The following TMEM131 variants were observed in gnomAD, a reference collection of about 807,000 sequenced individuals.
The protein encoded by TMEM131 is 2610524E03Rik.
In TMEM131, 66 loss-of-function variants were observed where a neutral mutation model predicts 211.6. The observed-to-expected ratio is 0.31, with a 90% CI of 0.26 to 0.38. The LOEUF is 0.38. Among genes scored for constraint, TMEM131 ranks in the 10% least tolerant of loss-of-function variants. The probability of loss-of-function intolerance (pLI) is 1.00; values close to 1 mark genes in which losing one functional copy is unlikely to be tolerated. For missense variants in TMEM131, 2,036 were observed against 2,299.3 expected (o/e 0.89, Z 2.34); for synonymous variants, 844 against 841.3 (o/e 1.00, Z -0.06).
chr2:97,963,923 GAATT>G (rs1559478528), intron 1 of TMEM131, among the ~76,000 whole-genome samples: 1 of 152,298 alleles, frequency 6.6e-6, no homozygotes, highest in African/African-American at 2.4e-5. Flanking sequence ...GATACAGAAT[GAATT>G]AATATTTGGA....
intron 3 of TMEM131, among the ~76,000 whole-genome samples, chr2:97,892,904 T>G (rs2104289221): frequency 6.6e-6 from 1 of 152,210 alleles, no homozygotes; most frequent in Middle Eastern, 3.4e-3. Context: ...GAAAAAGACT[T>G]TTTTTTAATA....
intron 33 of TMEM131, among the ~76,000 whole-genome samples, chr2:97,768,486 CTGT>C (rs1679300277): frequency 6.6e-6 from 1 of 152,198 alleles, no homozygotes; most frequent in Non-Finnish European, 1.5e-5. Flanking sequence ...CAGACAACTC[CTGT>C]TATTTTTGCT....
intron 30 of TMEM131, 71 bp from the exon 31 acceptor site, chr2:97,793,055 C>G (rs977741219): frequency 1.7e-6 from 2 of 1,143,096 alleles, no homozygotes; most frequent in Non-Finnish European, 2.4e-6. Flanking sequence ...AAAACTTCAA[C>G]TTCATCAGTA....
intron 1 of TMEM131, among the ~76,000 whole-genome samples, chr2:97,985,676 T>C (rs1023677175): frequency 6.7e-6 from 1 of 150,048 alleles, no homozygotes; most frequent in African/African-American, 2.5e-5. Flanking sequence ...CATAGACATA[T>C]ACATGAGAAA....
Position 97,792,541 on chromosome 2 carries a change from G to A in TMEM131, c.3989C>T (p.Ser1330Phe). 6.2e-7 allele frequency: 1 copy of A among 1,613,532 alleles called. No homozygotes were observed. The highest frequency in any genetic ancestry group is 8.5e-7 in the Non-Finnish European group (1 of 1,179,692). The stretch of plus-strand genomic sequence containing the variant: ...CGCGCTGCTGGCACGTTCTGGGTGG[G>A]AAGGGTGTGCGAGGGGGGCGGGAGA... ...RLSPAPLAHP[S>F]HPERASSARH... is the part of the protein sequence containing the mutation. Residue 1330 changes from serine (S) to phenylalanine (F), a missense_variant, in exon 31 of 41, where the codon TCC (serine) becomes TTC (phenylalanine). Physicochemically the swap from Ser to Phe is radical, Grantham distance 155 (BLOSUM62 -2). Transcript: ENST00000186436.
intron 5 of TMEM131, among the ~76,000 whole-genome samples, chr2:97,857,841 T>C (rs1428505820): frequency 1.3e-5 from 2 of 152,186 alleles, no homozygotes; most frequent in African/African-American, 4.8e-5. Context: ...CTCACAGCAT[T>C]AGAATTATAT....
At chr2:97,920,253 T>G (rs926935313) in intron 2 of TMEM131, among the ~76,000 whole-genome samples, 1 of 152,100 alleles carries the variant, frequency 6.6e-6, no homozygotes, top group Non-Finnish European at 1.5e-5. Context: ...TGTCTCAGGA[T>G]CTTGTTGAGA....
chr2:97,995,413 T>A, intron 1 of TMEM131, 63 bp downstream of exon 1: 1 of 1,295,864 alleles, frequency 7.7e-7, no homozygotes, highest in Non-Finnish European at 9.8e-7. Context: ...GGCCCAGCCC[T>A]CCCGGCCTCC....
chr2:97,820,252 T>C (rs905981409), intron 11 of TMEM131, among the ~76,000 whole-genome samples: 1 of 152,252 alleles, frequency 6.6e-6, no homozygotes, highest in African/African-American at 2.4e-5. Context: ...TGTAATATTT[T>C]TACTTATCAA....
Position 97,792,379 on chromosome 2 carries a change from T to C in TMEM131, c.4144+7A>G. The C allele has an allele frequency of 6.4e-7, 1 of 1,556,560 alleles. No individual in the cohort carries two copies. Among genetic ancestry groups the C allele is most frequent in the Non-Finnish European group, 8.7e-7 (1 of 1,149,072 alleles). On this transcript the variant is annotated splice_region_variant and intron_variant, in intron 31 of 40. Coordinates refer to ENST00000186436, the MANE Select transcript of TMEM131 (RefSeq NM_015348.2). ...ATCACGGATCTCCGGCAGTGGGAGATGATTACCTTTGCTTTTTGGCAATGG... is the reference window on the plus strand; with the variant it reads ...ATCACGGATCTCCGGCAGTGGGAGACGATTACCTTTGCTTTTTGGCAATGG...
chr2:97,797,600 A>C (rs1238761667), intron 25 of TMEM131, 84 bp from the exon 26 acceptor site: 73 of 1,242,028 alleles, frequency 5.9e-5, no homozygotes. Context: ...TCTAGAGCCC[A>C]GTATAGTTTC....
At chr2:97,833,670 T>A (rs1161288885) in intron 10 of TMEM131, among the ~76,000 whole-genome samples, 1 of 150,062 alleles carries the variant, frequency 6.7e-6, no homozygotes, top group Non-Finnish European at 1.5e-5. Context: ...TTTTTTTTTT[T>A]TAAATGAGAC....
chr2:97,852,159 CTCTTT>C (rs1178883972), intron 5 of TMEM131, among the ~76,000 whole-genome samples: 11 of 106,602 alleles, frequency 1.0e-4, no homozygotes, highest in Admixed American at 4.8e-4. Context: ...CCACGGCATT[CTCTTT>C]TTTTTTTTTT....
chr2:97,935,053 G>C (rs1573579494), intron 1 of TMEM131, among the ~76,000 whole-genome samples: 1 of 152,088 alleles, frequency 6.6e-6, no homozygotes, highest in African/African-American at 2.4e-5. Flanking sequence ...CCCTTCACAT[G>C]ACCCTGTTAA....
chr2:97,981,368 C>T (rs141837968), intron 1 of TMEM131, among the ~76,000 whole-genome samples: 31 of 152,222 alleles, frequency 2.0e-4, no homozygotes, highest in African/African-American at 7.0e-4. Flanking sequence ...TAGGTGAAAA[C>T]CGTAACATAT....
At chr2:97,954,245 T>C (rs1165698477) in intron 1 of TMEM131, among the ~76,000 whole-genome samples, 2 of 151,636 alleles carry the variant, frequency 1.3e-5, no homozygotes, top group East Asian at 3.9e-4. Context: ...CTCTGAAAAA[T>C]AATCAAAACT....
At position 97,983,708 on chromosome 2, in the gene TMEM131, T is replaced by TC. The variant is rs1354471224; in HGVS notation, c.187+11767dup. ...TTTGATCACTAGAAGCAGGGAGCTC[T>TC]CCTCTTCTCCCCATGTTGCCTTTCC... On this transcript the variant is annotated intron_variant, in intron 1 of 40. Transcript: ENST00000186436. 2.0e-5 allele frequency among the ~76,000 whole-genome samples: 3 copies of TC among 152,256 alleles called. No individual in the cohort carries two copies. The East Asian group carries it at 5.8e-4, about 29-fold the overall frequency.
chr2:97,773,276 A>G (rs1300273597), intron 32 of TMEM131, among the ~76,000 whole-genome samples: 5 of 152,050 alleles, frequency 3.3e-5, no homozygotes, highest in Non-Finnish European at 2.9e-5. Flanking sequence ...ATCCACACAC[A>G]TTTACGGGTC....
chr2:97,935,155 C>A (rs1055741686), intron 1 of TMEM131, among the ~76,000 whole-genome samples: 1 of 152,078 alleles, frequency 6.6e-6, no homozygotes, highest in African/African-American at 2.4e-5. Context: ...ATAAAGAACT[C>A]AAAAACAAAC....
Sources: gnomAD v4.1 joint callset for allele counts (sites outside exome capture counted in the v4.1 genomes callset) on GRCh38, gnomAD v4.1.1 for gene constraint, MANE v1.5 for transcripts, NCBI Gene and HGNC (gene_info 2026-07-23, HGNC 2026-07-21) for gene names.